Variants in LGALS9C observed in about 807,000 individuals in gnomAD.
LGALS9C encodes the protein galectin 9C, also known as galectin-9C.
A neutral mutation model predicts 41.3 loss-of-function variants in LGALS9C; 7 were observed. The ratio of observed to expected loss-of-function variants is 0.17; its 90% CI spans 0.10 to 0.32. The LOEUF (loss-of-function observed/expected upper bound fraction) is 0.32, where lower values mean the gene tolerates loss of function less well. LGALS9C is among the 10% of genes least tolerant of loss of function. The pLI is 1.00. For missense variants in LGALS9C, 102 were observed against 455.2 expected, an observed-to-expected ratio of 0.22 and a Z score of 7.06; for synonymous variants, 44 against 171.0, an observed-to-expected ratio of 0.26 and a Z score of 5.80.
At chr17:18,487,865 C>A in intron 4 of LGALS9C, 108 bp downstream of exon 4, 1 of 1,454,676 alleles carries the variant, frequency 6.9e-7, no homozygotes, top group South Asian at 1.3e-5. Context: ...ACCCAGGTCA[C>A]TCTGGGGACA....
chr17:18,483,215 T>G (rs1444747170), intron 1 of LGALS9C, among the ~76,000 whole-genome samples: 1 of 132,768 alleles, frequency 7.5e-6, no homozygotes, highest in African/African-American at 2.5e-5. Flanking sequence ...CCACGGGGCC[T>G]GGGATGGGTG....
intron 1 of LGALS9C, among the ~76,000 whole-genome samples, chr17:18,478,530 C>T (rs1475728515): frequency 7.7e-6 from 1 of 129,476 alleles, no homozygotes; most frequent in Non-Finnish European, 1.9e-5. Context: ...GGGAAGGTCA[C>T]GCGGTTCATG....
chr17:18,480,978 A>G (rs915866828), intron 1 of LGALS9C, among the ~76,000 whole-genome samples: 2 of 146,732 alleles, frequency 1.4e-5, no homozygotes, highest in Non-Finnish European at 3.1e-5. Flanking sequence ...TTAGTGGGGC[A>G]TGGCTTGGTG....
intron 4 of LGALS9C, 116 bp from the exon 5 acceptor site, chr17:18,488,825 T>G: frequency 7.6e-7 from 1 of 1,310,044 alleles, no homozygotes; most frequent in South Asian, 1.3e-5. Context: ...CCTAACCCCC[T>G]TGCTGCATCC....
Position 18,476,859 on chromosome 17 carries a change from C to A in LGALS9C, c.5C>A (p.Ala2Asp), listed in dbSNP as rs200495438. The change falls in exon 1 of 11, where the codon GCC becomes GAC. Residue 2 changes from alanine (A) to aspartate (D), a missense_variant. Coordinates refer to ENST00000328114, the MANE Select transcript of LGALS9C (RefSeq NM_001040078.3). ...GGCCACAGAGGCGGTGGAGAGATGGCCTTCAGCGGTTGCCAGGCTCCCTAT... is the reference window on the plus strand; with the variant it reads ...GGCCACAGAGGCGGTGGAGAGATGGACTTCAGCGGTTGCCAGGCTCCCTAT... M[A>D]FSGCQAPYLS... 7 of 1,600,706 alleles carry A rather than the reference C, an allele frequency of 4.4e-6. No homozygotes were observed. Among genetic ancestry groups the A allele is most frequent in the South Asian group, 1.1e-5 (1 of 90,496 alleles).
chr17:18,487,093 G>A (rs1346109837), intron 3 of LGALS9C, among the ~76,000 whole-genome samples: 1 of 141,746 alleles, frequency 7.1e-6, no homozygotes, highest in East Asian at 1.9e-4. Context: ...CTTTGGGAGG[G>A]TGAGGAGGAC....
Position 18,477,128 on chromosome 17 carries a change from GCTGTC to G in LGALS9C, c.39+250_39+254del, listed in dbSNP as rs1254794231. Among the ~76,000 whole-genome samples, 2 of 135,146 alleles carry G rather than the reference GCTGTC, an allele frequency of 1.5e-5. 1 individual carries two copies. The highest frequency in any genetic ancestry group is 3.5e-5 in the Non-Finnish European group (2 of 56,800). The allele number at this position is 135,146 out of a possible 152,430, so 88.7% of individuals were successfully genotyped here. A position where few individuals can be genotyped will look rare whatever the true frequency, so the allele number is the denominator to read the frequency against. On this transcript the variant is annotated intron_variant, in intron 1 of 10. Transcript: ENST00000328114. ...TCATGGGTTTGACAGTGTTGGCTGA[GCTGTC>G]CTGTCCTGTCCTGTGCGCTCAGGGG...
Position 18,476,846 on chromosome 17 carries a change from G to T in LGALS9C, c.-9G>T, listed in dbSNP as rs372297284. On this transcript the variant is annotated 5_prime_UTR_variant, in exon 1 of 11. Transcript: ENST00000328114. The stretch of plus-strand genomic sequence containing the variant: ...CAAAGGCAGTGGTGGCCACAGAGGC[G>T]GTGGAGAGATGGCCTTCAGCGGTTG... 4.4e-6 allele frequency: 7 copies of T among 1,589,648 alleles called. No individual in the cohort carries two copies. Among genetic ancestry groups the T allele is most frequent in the Non-Finnish European group, 6.0e-6 (7 of 1,160,936 alleles).
chr17:18,478,682 C>T (rs1038250722), intron 1 of LGALS9C, among the ~76,000 whole-genome samples: 7 of 68,208 alleles, frequency 1.0e-4, no homozygotes, highest in East Asian at 5.2e-4. Flanking sequence ...GGAAGCACTG[C>T]GAGAGCCAGG....
Position 18,478,361 on chromosome 17 carries a change from G to A in LGALS9C, c.39+1468G>A, listed in dbSNP as rs1989279639. 4.2e-5 allele frequency among the ~76,000 whole-genome samples: 5 copies of A among 120,054 alleles called. 1 individual carries two copies. In the South Asian group the frequency reaches 1.3e-3, roughly 32 times the overall value. The allele number at this position is 120,054 out of a possible 152,430, so 78.8% of individuals were successfully genotyped here. A position where few individuals can be genotyped will look rare whatever the true frequency, so the allele number is the denominator to read the frequency against. On this transcript the variant is annotated intron_variant, in intron 1 of 10. Coordinates refer to ENST00000328114, the MANE Select transcript of LGALS9C (RefSeq NM_001040078.3). ...GAGAGTTTGAGAGAGTTAAAGCGGG[G>A]CCTTGGAGCTCAGACAAGAAAGACG... is the stretch of plus-strand genomic sequence containing the variant.
intron 4 of LGALS9C, 57 bp from the exon 5 acceptor site, chr17:18,488,884 T>C: frequency 2.1e-6 from 3 of 1,444,686 alleles, no homozygotes; most frequent in Non-Finnish European, 2.9e-6. Context: ...GCCTTTCGGC[T>C]TCTCCTTGGC....
At chr17:18,478,119 C>T (rs1206813635) in intron 1 of LGALS9C, among the ~76,000 whole-genome samples, 4 of 129,036 alleles carry the variant, frequency 3.1e-5, no homozygotes, top group African/African-American at 7.6e-5. Flanking sequence ...AAGGTAGAAC[C>T]TGCATAGAGG....
chr17:18,488,108 C>T lies in LGALS9C; in HGVS notation c.444+351C>T, dbSNP rs578183438. ...AGTTCAAATTCCCAGCTCTGCCATT[C>T]GTCATCTGTGGGATCTTAGACAAGC... On this transcript the variant is annotated intron_variant, in intron 4 of 10. Transcript: ENST00000328114. Among the ~76,000 whole-genome samples, 4 of 131,378 alleles carry T rather than the reference C, an allele frequency of 3.0e-5. No homozygotes were observed. In the South Asian group the frequency reaches 7.0e-4, roughly 23 times the overall value. The allele number at this position is 131,378 out of a possible 152,430, so 86.2% of individuals were successfully genotyped here.
intron 10 of LGALS9C, among the ~76,000 whole-genome samples, chr17:18,493,938 C>A (rs1477196869): frequency 7.6e-6 from 1 of 131,490 alleles, no homozygotes; most frequent in Non-Finnish European, 1.8e-5. Context: ...GCTGCAGGAG[C>A]CCAGGCCCAG....
Position 18,476,830 on chromosome 17 carries a change from T to C in LGALS9C, c.-25T>C, listed in dbSNP as rs201486606. ...ACTGCCTGGCAGGTGTCAAAGGCAG[T>C]GGTGGCCACAGAGGCGGTGGAGAGA... On this transcript the variant is annotated 5_prime_UTR_variant, in exon 1 of 11. Coordinates refer to ENST00000328114, the MANE Select transcript of LGALS9C (RefSeq NM_001040078.3). 0.046 allele frequency: 66,907 copies of C among 1,461,202 alleles called. 2,711 individuals carry two copies. The highest frequency in any genetic ancestry group is 0.054 in the Non-Finnish European group (56,745 of 1,054,304). The allele number at this position is 1,461,202 out of a possible 1,614,324, so 90.5% of individuals were successfully genotyped here. A position where few individuals can be genotyped will look rare whatever the true frequency, so the allele number is the denominator to read the frequency against.
intron 1 of LGALS9C, among the ~76,000 whole-genome samples, chr17:18,480,437 C>A (rs1011229397): frequency 1.1e-5 from 1 of 89,160 alleles, no homozygotes; most frequent in African/African-American, 3.4e-5. Context: ...TCACAGTTTC[C>A]GGGGATTCGA....
At position 18,481,516 on chromosome 17, in the gene LGALS9C, G is replaced by A. The variant is rs184825502; in HGVS notation, c.40-2359G>A. Among the ~76,000 whole-genome samples the A allele has an allele frequency of 1.9e-3, 243 of 127,722 alleles. 16 individuals are homozygous for A. Among genetic ancestry groups the A allele is most frequent in the African/African-American group, 5.9e-3 (231 of 39,104 alleles). The allele number at this position is 127,722 out of a possible 152,430, so 83.8% of individuals were successfully genotyped here. A position where few individuals can be genotyped will look rare whatever the true frequency, so the allele number is the denominator to read the frequency against. On this transcript the variant is annotated intron_variant, in intron 1 of 10. Coordinates refer to ENST00000328114, the MANE Select transcript of LGALS9C (RefSeq NM_001040078.3). ...AAGGGGAAAAATCTTCCACAGACGC[G>A]TTTCAGGGACAACAGGCTTCCCAAT... is the stretch of plus-strand genomic sequence containing the variant.
intron 1 of LGALS9C, among the ~76,000 whole-genome samples, chr17:18,479,791 A>G (rs1271896543): frequency 2.3e-5 from 3 of 127,984 alleles, no homozygotes; most frequent in South Asian, 2.4e-4. Context: ...TGTTAAAATC[A>G]TCGTGTGAGC....
Position 18,491,320 on chromosome 17 carries a change from C to T in LGALS9C, c.624C>T (p.Phe208=), listed in dbSNP as rs764569191. 6.7e-7 allele frequency: 1 copy of T among 1,487,256 alleles called. No homozygotes were observed. The highest frequency in any genetic ancestry group is 9.2e-7 in the Non-Finnish European group (1 of 1,083,262). 92.1% of individuals were successfully genotyped at this position (1,487,256 alleles called of 1,614,324 possible). A position where few individuals can be genotyped will look rare whatever the true frequency, so the allele number is the denominator to read the frequency against. The change falls in exon 7 of 11, where the codon TTC becomes TTT. Residue 208 remains phenylalanine, a synonymous_variant. Transcript: ENST00000328114. ...HTVQSASGQM[F]SQTPAIPPMM... is the part of the protein sequence containing the mutation. ...TGCAGAGTGCCTCTGGACAGATGTT[C>T]TCTGTAAGTCTTCAAGTTCTGATCA... is the stretch of plus-strand genomic sequence containing the variant.
Sources: allele counts gnomAD v4.1 joint callset (sites outside exome capture counted in the v4.1 genomes callset), GRCh38; gene constraint gnomAD v4.1.1; transcripts MANE v1.5; gene names NCBI Gene and HGNC (gene_info 2026-07-23, HGNC 2026-07-21).